ASTN2: variants seen among roughly 807,000 people sequenced by gnomAD.
ASTN2 encodes astrotactin 2.
Under a neutral mutation model 139.8 loss-of-function variants are expected in ASTN2, and 54 were observed. That is an observed-to-expected ratio of 0.39 (90% confidence interval 0.31 to 0.48). ASTN2 has a LOEUF of 0.48. ASTN2 is among the 20% of genes least tolerant of loss of function. The pLI, the probability that ASTN2 is intolerant of heterozygous loss-of-function variation, is 0.95. For missense variants in ASTN2, 1,565 were observed against 1,725.1 expected, an observed-to-expected ratio of 0.91 and a Z score of 1.64; for synonymous variants, 756 against 719.5, an observed-to-expected ratio of 1.05 and a Z score of -0.81.
chr9:116,722,652 C>G (rs1350328091), intron 16 of ASTN2, among the ~76,000 whole-genome samples: 2 of 152,150 alleles, frequency 1.3e-5, no homozygotes, highest in Non-Finnish European at 1.5e-5. Context: ...AGTACCCTTG[C>G]CTCCTTTGCT....
intron 3 of ASTN2, among the ~76,000 whole-genome samples, chr9:117,151,615 T>C (rs1280690688): frequency 6.6e-6 from 1 of 152,134 alleles, no homozygotes; most frequent in Non-Finnish European, 1.5e-5. Context: ...AGAAAGGCTA[T>C]GAGAAATTTC....
At chr9:116,852,942 A>T (rs1832650695) in intron 11 of ASTN2, among the ~76,000 whole-genome samples, 1 of 151,584 alleles carries the variant, frequency 6.6e-6, no homozygotes, top group Non-Finnish European at 1.5e-5. Flanking sequence ...CTAGGAAGTC[A>T]GTTGTCCTAA....
rs150148202 is a variant in ASTN2, at chr9:116,992,000, C to T, written c.1592-15215G>A. 5.3e-5 allele frequency among the ~76,000 whole-genome samples: 8 copies of T among 152,244 alleles called. No individual in the cohort carries two copies. The South Asian group carries it at 6.2e-4, about 12-fold the overall frequency. On this transcript the variant is annotated intron_variant, in intron 7 of 22. Transcript: ENST00000313400. ...TGAAACACTTATTTATATGAATGAG[C>T]GTACCTGAGCACATCCCTTCAAGAC...
At chr9:116,580,503 A>G (rs1434992417) in intron 19 of ASTN2, among the ~76,000 whole-genome samples, 1 of 152,178 alleles carries the variant, frequency 6.6e-6, no homozygotes, top group Non-Finnish European at 1.5e-5. Context: ...AGTTACTCTG[A>G]ATACCCTGTG....
intron 20 of ASTN2, among the ~76,000 whole-genome samples, chr9:116,461,428 A>G (rs1351896102): frequency 6.6e-6 from 1 of 152,084 alleles, no homozygotes; most frequent in Non-Finnish European, 1.5e-5. Flanking sequence ...ACGCATATAT[A>G]TATGTACACA....
chr9:116,796,742 A>G (rs1241108051), intron 13 of ASTN2, among the ~76,000 whole-genome samples: 1 of 152,188 alleles, frequency 6.6e-6, no homozygotes, highest in Non-Finnish European at 1.5e-5. Context: ...CTGGAGATCT[A>G]TTACATAGTA....
At chr9:117,339,371 A>G (rs1828990367) in intron 1 of ASTN2, among the ~76,000 whole-genome samples, 1 of 152,134 alleles carries the variant, frequency 6.6e-6, no homozygotes, top group African/African-American at 2.4e-5. Flanking sequence ...CCGCAGAGGC[A>G]GAAAGAGGCA....
At chr9:117,175,248 G>T (rs1452008770) in intron 3 of ASTN2, among the ~76,000 whole-genome samples, 2 of 152,064 alleles carry the variant, frequency 1.3e-5, no homozygotes, top group African/African-American at 4.8e-5. Context: ...ACAACTAAAA[G>T]TCTGTGATAT....
rs966958470 is a variant in ASTN2 at position 116,961,027 on chromosome 9, G to A, written c.1889+14181C>T. On this transcript the variant is annotated intron_variant, in intron 10 of 22. Transcript: ENST00000313400. ...GCTGAAAGATGCTGTAAGAGGAGGAGAGAAGAGGTGTATTGTGGAGCCATA... is the reference window on the plus strand; with the variant it reads ...GCTGAAAGATGCTGTAAGAGGAGGAAAGAAGAGGTGTATTGTGGAGCCATA... Among the ~76,000 whole-genome samples the A allele has an allele frequency of 4.0e-3, 20 of 4,960 alleles. No individual in the cohort carries two copies. The Non-Finnish European group carries it at 0.14, about 35-fold the overall frequency. 3.3% of individuals were successfully genotyped at this position (4,960 alleles called of 152,430 possible).
intron 10 of ASTN2, among the ~76,000 whole-genome samples, chr9:116,884,820 T>TC (rs1833552807): frequency 2.8e-5 from 1 of 35,926 alleles, no homozygotes. Flanking sequence ...CCCCACCCAC[T>TC]TTTTTTTTTT....
At chr9:116,966,829 G>T (rs1368423438) in intron 10 of ASTN2, among the ~76,000 whole-genome samples, 1 of 151,758 alleles carries the variant, frequency 6.6e-6, no homozygotes, top group East Asian at 1.9e-4. Context: ...CCTTCCACTT[G>T]CATAAAGAAC....
At chr9:116,797,055 A>C (rs1213100658) in intron 13 of ASTN2, among the ~76,000 whole-genome samples, 3 of 151,864 alleles carry the variant, frequency 2.0e-5, no homozygotes, top group Non-Finnish European at 1.5e-5. Flanking sequence ...TCCTGGCCTC[A>C]AGCAATCTTC....
rs984325253 is a variant in ASTN2 at position 116,952,504 on chromosome 9, C to T, written c.1889+22704G>A. On this transcript the variant is annotated intron_variant, in intron 10 of 22. Transcript: ENST00000313400. ...CCTTGAGCATCTGGCTCTCAATTTC[C>T]GCATTCTTTCTCTCCCTTTAAGAAG... Among the ~76,000 whole-genome samples, 7 of 152,264 alleles carry T rather than the reference C, an allele frequency of 4.6e-5. No individual in the cohort carries two copies. The East Asian group carries it at 5.8e-4, about 13-fold the overall frequency.
At chr9:116,497,250 T>TA in intron 19 of ASTN2, among the ~76,000 whole-genome samples, 1 of 152,316 alleles carries the variant, frequency 6.6e-6, no homozygotes, top group Non-Finnish European at 1.5e-5. Context: ...GCTATAAAGA[T>TA]ACAGTCTCTG....
Position 117,328,952 on chromosome 9 carries a change from C to A in ASTN2, c.443-37439G>T, listed in dbSNP as rs577067796. Among the ~76,000 whole-genome samples, 28 of 152,226 alleles carry A rather than the reference C, an allele frequency of 1.8e-4. 1 individual carries two copies. In the South Asian group the frequency reaches 4.8e-3, roughly 26 times the overall value. On this transcript the variant is annotated intron_variant, in intron 1 of 22. Transcript: ENST00000313400. ...AGGAAGATGAATTAAGGTTTGGATG[C>A]CATCGAAGGAGTCTGAACTTTATAA... is the stretch of plus-strand genomic sequence containing the variant.
intron 19 of ASTN2, among the ~76,000 whole-genome samples, chr9:116,535,390 T>C (rs942205747): frequency 6.6e-6 from 1 of 152,186 alleles, no homozygotes; most frequent in Non-Finnish European, 1.5e-5. Flanking sequence ...ATATGTGAGT[T>C]TGATCCTGTC....
At chr9:117,207,984 C>T (rs1235728975) in intron 3 of ASTN2, among the ~76,000 whole-genome samples, 3 of 152,168 alleles carry the variant, frequency 2.0e-5, no homozygotes, top group Non-Finnish European at 4.4e-5. Context: ...AAACTAACAC[C>T]TCAAGACCAA....
chr9:116,439,034 G>A (rs1847747188), intron 22 of ASTN2, among the ~76,000 whole-genome samples: 1 of 152,026 alleles, frequency 6.6e-6, no homozygotes, highest in Admixed American at 6.6e-5. Context: ...ACAGCTTCAG[G>A]CTCTGCTAGA....
chr9:116,724,761 A>G (rs1365537623), intron 16 of ASTN2, among the ~76,000 whole-genome samples: 2 of 152,212 alleles, frequency 1.3e-5, no homozygotes, highest in Non-Finnish European at 2.9e-5. Context: ...TGTTTTTAAC[A>G]TTGCTCTTCA....
Sources: allele counts gnomAD v4.1 joint callset (sites outside exome capture counted in the v4.1 genomes callset), GRCh38; gene constraint gnomAD v4.1.1; transcripts MANE v1.5; gene names NCBI Gene and HGNC (gene_info 2026-07-23, HGNC 2026-07-21).